Variants in CDH4 observed in about 807,000 individuals in gnomAD.
CDH4 encodes cadherin 4.
CDH4 carries 33 observed loss-of-function variants against 86.0 expected under a neutral mutation model. The observed-to-expected ratio is 0.38, with a 90% CI of 0.29 to 0.51. CDH4 has a LOEUF of 0.51. Among genes scored for constraint, CDH4 ranks in the 20% least tolerant of loss-of-function variants. The probability of loss-of-function intolerance (pLI) is 0.86; values close to 1 mark genes in which losing one functional copy is unlikely to be tolerated. For missense variants in CDH4, 1,114 were observed against 1,307.4 expected, an observed-to-expected ratio of 0.85 and a Z score of 2.28; for synonymous variants, 555 against 549.4, an observed-to-expected ratio of 1.01 and a Z score of -0.14.
chr20:61,697,727 G>C (rs1226478587), intron 2 of CDH4, among the ~76,000 whole-genome samples: 2 of 152,100 alleles, frequency 1.3e-5, no homozygotes, highest in Non-Finnish European at 2.9e-5. Context: ...CCCTGGAGGT[G>C]TATCTCCCCG....
At chr20:61,936,267 T>G (rs111976962) in intron 15 of CDH4, among the ~76,000 whole-genome samples, 1,309 of 16,434 alleles carry the variant, frequency 0.08, 40 homozygotes, top group African/African-American at 0.23. Context: ...ACACCACCCC[T>G]TGCCCTCTCC....
Position 61,377,606 on chromosome 20 carries a change from C to T in CDH4, c.169+122669C>T, listed in dbSNP as rs1194585144. 2.6e-5 allele frequency among the ~76,000 whole-genome samples: 4 copies of T among 151,998 alleles called. No individual in the cohort carries two copies. Among genetic ancestry groups the T allele is most frequent in the Non-Finnish European group, 2.9e-5 (2 of 67,990 alleles). ...GTAGTCAACGAGTCGCTTTAGCTTT[C>T]AAACAACTGTAGTGTCTTTAACTTT... On this transcript the variant is annotated intron_variant, in intron 2 of 15. Coordinates refer to ENST00000614565, the MANE Select transcript of CDH4 (RefSeq NM_001794.5). The surrounding 1 kb of genome is among the most constrained non-coding windows in gnomAD (Gnocchi z 4.0).
rs535354287 is a variant in CDH4 at position 61,302,460 on chromosome 20, C to T, written c.169+47523C>T. Among the ~76,000 whole-genome samples, 12 of 151,888 alleles carry T rather than the reference C, an allele frequency of 7.9e-5. No homozygotes were observed. The East Asian group carries it at 2.3e-3, about 29-fold the overall frequency. On this transcript the variant is annotated intron_variant, in intron 2 of 15. Transcript: ENST00000614565. ...AAAAGCAAAAGCATCCAGGATGTTT[C>T]CTGTATGTGTTTCCTTGGCCTGGGT...
intron 2 of CDH4, among the ~76,000 whole-genome samples, chr20:61,741,272 G>T (rs576567881): frequency 6.6e-6 from 1 of 152,122 alleles, no homozygotes; most frequent in Non-Finnish European, 1.5e-5. Context: ...GCGGTCCCCC[G>T]GGCATCACTT....
At position 61,399,422 on chromosome 20, in the gene CDH4, G is replaced by A. The variant is rs1429257252; in HGVS notation, c.169+144485G>A. 1.1e-4 allele frequency among the ~76,000 whole-genome samples: 5 copies of A among 45,166 alleles called. 1 individual carries two copies. The highest frequency in any genetic ancestry group is 8.1e-4 in the East Asian group (1 of 1,238). 29.6% of individuals were successfully genotyped at this position (45,166 alleles called of 152,430 possible). A position where few individuals can be genotyped will look rare whatever the true frequency, so the allele number is the denominator to read the frequency against. The stretch of plus-strand genomic sequence containing the variant: ...GCTGGGATTACAGGCGTGAGCCACC[G>A]CGCCCGGCCAAAACCCACTTTTTAA... On this transcript the variant is annotated intron_variant, in intron 2 of 15. Transcript: ENST00000614565.
intron 2 of CDH4, among the ~76,000 whole-genome samples, chr20:61,266,910 T>A (rs970805917): frequency 6.6e-6 from 1 of 152,156 alleles, no homozygotes; most frequent in African/African-American, 2.4e-5. Context: ...CTAGATGAGA[T>A]CATCCTGGAT....
intron 2 of CDH4, among the ~76,000 whole-genome samples, chr20:61,595,339 G>A (rs540781779): frequency 1.2e-4 from 18 of 152,378 alleles, no homozygotes; most frequent in East Asian, 1.9e-4. Flanking sequence ...CAGCAGAGAC[G>A]TGGCTGCTGC....
rs945584916 is a variant in CDH4 at position 61,844,893 on chromosome 20, G to C, written c.732+70G>C. On this transcript the variant is annotated intron_variant, in intron 5 of 15. Transcript: ENST00000614565. Reference sequence around the variant, plus strand: ...TCCCAGCCCTACCAGGCCTTGGCAGGTGCCCCCAGCAGGGCCATGCCTGCC... The same window carrying C: ...TCCCAGCCCTACCAGGCCTTGGCAGCTGCCCCCAGCAGGGCCATGCCTGCC... The C allele has an allele frequency of 1.3e-5, 19 of 1,501,638 alleles. No individual in the cohort carries two copies. The African/African-American group carries it at 2.1e-4, about 16-fold the overall frequency. 93.0% of individuals were successfully genotyped at this position (1,501,638 alleles called of 1,614,324 possible). A position where few individuals can be genotyped will look rare whatever the true frequency, so the allele number is the denominator to read the frequency against.
At chr20:61,390,653 CCGTGTCTGGG>C (rs1439135975) in intron 2 of CDH4, among the ~76,000 whole-genome samples, 3 of 150,860 alleles carry the variant, frequency 2.0e-5, no homozygotes, top group Middle Eastern at 3.6e-3. Context: ...GCCCATAGTG[CCGTGTCTGGG>C]AAACCCCGAT....
At chr20:61,441,648 T>C (rs2085315538) in intron 2 of CDH4, among the ~76,000 whole-genome samples, 1 of 152,186 alleles carries the variant, frequency 6.6e-6, no homozygotes, top group Non-Finnish European at 1.5e-5. Context: ...TCCAGAGAGC[T>C]GCCTGGCCCG....
intron 3 of CDH4, among the ~76,000 whole-genome samples, chr20:61,759,477 C>T (rs1600956408): frequency 6.6e-6 from 1 of 152,284 alleles, no homozygotes; most frequent in South Asian, 2.1e-4. Context: ...GTCTGGGCGC[C>T]AGGGCTCTGG....
At chr20:61,874,346 A>G (rs1228850166) in intron 7 of CDH4, among the ~76,000 whole-genome samples, 1 of 152,132 alleles carries the variant, frequency 6.6e-6, no homozygotes, top group East Asian at 1.9e-4. Context: ...CGAAGGGGGC[A>G]TGGAGAAGCA....
chr20:61,464,315 TCCTATTAAC>T (rs1449971272), intron 2 of CDH4, among the ~76,000 whole-genome samples: 2 of 152,210 alleles, frequency 1.3e-5, no homozygotes, highest in African/African-American at 4.8e-5. Context: ...ATGGATGTAA[TCCTATTAAC>T]CTGCATTTTG....
At chr20:61,418,250 C>G (rs6089523) in intron 2 of CDH4, among the ~76,000 whole-genome samples, 17,381 of 150,194 alleles carry the variant, frequency 0.12, 1,122 homozygotes, top group African/African-American at 0.16. Context: ...TCGCTCTGTC[C>G]CCCAGGCTGG....
At position 61,902,608 on chromosome 20, in the gene CDH4, G is replaced by A. The variant is rs549381522; in HGVS notation, c.1188+7561G>A. 6.6e-6 allele frequency among the ~76,000 whole-genome samples: 1 copy of A among 152,316 alleles called. No homozygotes were observed. The highest frequency in any genetic ancestry group is 2.1e-4 in the South Asian group (1 of 4,826). ...GTCTCCGTGGCAACTCCGAAACTCC[G>A]CCATTGTAGGACAAAAACAACCACA... is the stretch of plus-strand genomic sequence containing the variant. On this transcript the variant is annotated intron_variant, in intron 8 of 15. Transcript: ENST00000614565. The surrounding 1 kb of genome is among the most constrained non-coding windows in gnomAD (Gnocchi z 4.6).
Position 61,681,654 on chromosome 20 carries a change from C to T in CDH4, c.170-61909C>T, listed in dbSNP as rs934798919. On this transcript the variant is annotated intron_variant, in intron 2 of 15. Transcript: ENST00000614565. The surrounding 1 kb of genome is among the most constrained non-coding windows in gnomAD (Gnocchi z 4.5). Reference sequence around the variant, plus strand: ...AAGCCCGGAATCCCTTCCACAGGCACAGAGCTGAGGGTGCTGCAGAGCCCC... The same window carrying T: ...AAGCCCGGAATCCCTTCCACAGGCATAGAGCTGAGGGTGCTGCAGAGCCCC... 6.6e-5 allele frequency among the ~76,000 whole-genome samples: 10 copies of T among 152,328 alleles called. No individual in the cohort carries two copies. In the East Asian group the frequency reaches 1.5e-3, roughly 24 times the overall value.
At chr20:61,720,420 AG>A (rs907795246) in intron 2 of CDH4, among the ~76,000 whole-genome samples, 4 of 143,626 alleles carry the variant, frequency 2.8e-5, no homozygotes, top group African/African-American at 1.1e-4. Flanking sequence ...GTAAGTGTGT[AG>A]GGGTGCAGGG....
At chr20:61,621,931 T>G (rs1459886874) in intron 2 of CDH4, among the ~76,000 whole-genome samples, 3 of 152,232 alleles carry the variant, frequency 2.0e-5, no homozygotes, top group African/African-American at 7.2e-5. Context: ...AAACTATAAT[T>G]ATTAAAATAG....
chr20:61,892,135 G>A (rs962627321), intron 7 of CDH4, among the ~76,000 whole-genome samples: 14 of 152,190 alleles, frequency 9.2e-5, no homozygotes, highest in South Asian at 6.2e-4. Flanking sequence ...ATAGTGATGC[G>A]CAGATTCAGC....
Sources: gnomAD v4.1 joint callset for allele counts (sites outside exome capture counted in the v4.1 genomes callset) on GRCh38, gnomAD v4.1.1 for gene constraint, Gnocchi (gnomAD v3.1) non-coding constraint, MANE v1.5 for transcripts, NCBI Gene and HGNC (gene_info 2026-07-23, HGNC 2026-07-21) for gene names.